Variants in LDLRAD4 observed in about 807,000 individuals in gnomAD.
The protein encoded by LDLRAD4 is low-density lipoprotein receptor class A domain-containing protein 4.
Under a neutral mutation model 17.0 loss-of-function variants are expected in LDLRAD4, and 5 were observed. The ratio of observed to expected loss-of-function variants is 0.29; its 90% CI spans 0.15 to 0.62. The LOEUF (loss-of-function observed/expected upper bound fraction) is 0.62. Among genes scored for constraint, LDLRAD4 ranks in the 20% least tolerant of loss-of-function variants. The pLI is 0.84. For missense variants in LDLRAD4, 340 were observed against 424.7 expected, an observed-to-expected ratio of 0.80 and a Z score of 1.75; for synonymous variants, 168 against 171.8, an observed-to-expected ratio of 0.98 and a Z score of 0.17.
At chr18:13,303,973 G>A (rs1470705572) in intron 1 of LDLRAD4, among the ~76,000 whole-genome samples, 1 of 152,226 alleles carries the variant, frequency 6.6e-6, no homozygotes, top group Non-Finnish European at 1.5e-5. Context: ...AGACAGTGCA[G>A]TTGTCACCAG....
chr18:13,645,886 A>G lies in LDLRAD4; in HGVS notation c.*229A>G, dbSNP rs943646179. The G allele has an allele frequency of 2.0e-5, 7 of 342,914 alleles. No homozygotes were observed. The highest frequency in any genetic ancestry group is 4.3e-5 in the African/African-American group (2 of 46,972). The allele number at this position is 342,914 out of a possible 1,614,324, so 21.2% of individuals were successfully genotyped here. A position where few individuals can be genotyped will look rare whatever the true frequency, so the allele number is the denominator to read the frequency against. On this transcript the variant is annotated 3_prime_UTR_variant, in exon 6 of 6. Transcript: ENST00000359446. The surrounding 1 kb of genome is among the most constrained non-coding windows in gnomAD (Gnocchi z 5.7). ...CCGCAAACAGTGTTTATTTGGGGAC[A>G]GGGGTTGGGATGGGGGTGTGGGCAG...
rs58573798 is a variant in LDLRAD4 at position 13,525,786 on chromosome 18, A to G, written c.181+87402A>G. On this transcript the variant is annotated intron_variant, in intron 3 of 5. Coordinates refer to ENST00000359446, the Ensembl canonical transcript of LDLRAD4. ...AACTAAAGCCCTTACTTAGCAGACT[A>G]TGAGACGTGCTGTGCCCACTCTAGG... is the stretch of plus-strand genomic sequence containing the variant. Among the ~76,000 whole-genome samples the G allele has an allele frequency of 3.5e-3, 533 of 152,336 alleles. 2 individuals carry two copies. Among genetic ancestry groups the G allele is most frequent in the African/African-American group, 0.01 (432 of 41,564 alleles).
At chr18:13,509,315 A>G (rs9958406) in intron 3 of LDLRAD4, among the ~76,000 whole-genome samples, 57,260 of 152,082 alleles carry the variant, frequency 0.38, 11,850 homozygotes, top group Middle Eastern at 0.56. Context: ...CCCTGTCTCA[A>G]AGACAGCAAC....
At chr18:13,567,875 A>G (rs1290850018) in intron 3 of LDLRAD4, among the ~76,000 whole-genome samples, 2 of 152,216 alleles carry the variant, frequency 1.3e-5, no homozygotes, top group African/African-American at 2.4e-5. Context: ...ATTGGAAATA[A>G]TGAAAGTATT....
chr18:13,618,929 G>A (rs577238723), intron 3 of LDLRAD4, among the ~76,000 whole-genome samples: 1 of 152,122 alleles, frequency 6.6e-6, no homozygotes, highest in African/African-American at 2.4e-5. Context: ...GCTTATCCCT[G>A]GGCTGGTGGC....
At chr18:13,648,609 G>C (rs992364335) in exon 6 of LDLRAD4, 5 of 152,196 alleles carry the variant, frequency 3.3e-5, no homozygotes, top group African/African-American at 4.8e-5. Context: ...ACACAGTGGG[G>C]CCTATTGTTC....
At chr18:13,513,733 G>A (rs1474708816) in intron 3 of LDLRAD4, among the ~76,000 whole-genome samples, 3 of 152,174 alleles carry the variant, frequency 2.0e-5, no homozygotes, top group Non-Finnish European at 4.4e-5. Flanking sequence ...CGTGTTAGAG[G>A]TTACTCATGG....
intron 3 of LDLRAD4, among the ~76,000 whole-genome samples, chr18:13,587,069 C>G (rs1218302774): frequency 2.0e-5 from 3 of 152,132 alleles, no homozygotes; most frequent in Non-Finnish European, 4.4e-5. Flanking sequence ...GAGGTTTCCA[C>G]TCTTGAAACA....
rs1429005371 is a variant in LDLRAD4 at position 13,398,056 on chromosome 18, T to G, written c.40+10294T>G. Among the ~76,000 whole-genome samples the G allele has an allele frequency of 1.3e-5, 2 of 152,154 alleles. No homozygotes were observed. Among genetic ancestry groups the G allele is most frequent in the East Asian group, 3.9e-4 (2 of 5,186 alleles). ...TCTGCACAGGCCCGAGAGACCCTCC[T>G]TGAGGACGCAGTGGCCAGTGGGGGC... On this transcript the variant is annotated intron_variant, in intron 2 of 5. Transcript: ENST00000359446. The surrounding 1 kb of genome is among the most constrained non-coding windows in gnomAD (Gnocchi z 4.8).
upstream of LDLRAD4, among the ~76,000 whole-genome samples, chr18:13,274,141 G>T (rs995202125): frequency 6.6e-6 from 1 of 152,206 alleles, no homozygotes; most frequent in Non-Finnish European, 1.5e-5. Context: ...CTGAAGGCTT[G>T]ATTTCCTTCC....
At chr18:13,414,566 C>T (rs949057601) in intron 2 of LDLRAD4, among the ~76,000 whole-genome samples, 1 of 152,264 alleles carries the variant, frequency 6.6e-6, no homozygotes, top group Non-Finnish European at 1.5e-5. Context: ...CCCATTGTCA[C>T]AAATTACAGT....
At chr18:13,635,539 C>T (rs967956979) in intron 4 of LDLRAD4, among the ~76,000 whole-genome samples, 3 of 152,214 alleles carry the variant, frequency 2.0e-5, no homozygotes, top group South Asian at 2.1e-4. Flanking sequence ...TTGGAAGATC[C>T]GGTGATATTT....
At chr18:13,540,195 T>TA (rs1555733009) in intron 3 of LDLRAD4, among the ~76,000 whole-genome samples, 1 of 152,260 alleles carries the variant, frequency 6.6e-6, no homozygotes, top group Non-Finnish European at 1.5e-5. Flanking sequence ...TTGTCTTTTT[T>TA]AAAAAATACA....
At chr18:13,364,069 T>C (rs904912338) in intron 1 of LDLRAD4, among the ~76,000 whole-genome samples, 1 of 152,172 alleles carries the variant, frequency 6.6e-6, no homozygotes, top group African/African-American at 2.4e-5. Flanking sequence ...ATAAATATAA[T>C]TAGCATAAAA....
chr18:13,502,717 A>C (rs2093631613), intron 3 of LDLRAD4, among the ~76,000 whole-genome samples: 1 of 152,192 alleles, frequency 6.6e-6, no homozygotes, highest in Non-Finnish European at 1.5e-5. Flanking sequence ...CACTGGGAGG[A>C]CTGTACGGGC....
chr18:13,480,338 G>T (rs2093052286), intron 3 of LDLRAD4, among the ~76,000 whole-genome samples: 1 of 152,216 alleles, frequency 6.6e-6, no homozygotes, highest in Non-Finnish European at 1.5e-5. Flanking sequence ...TACAGTGTGA[G>T]TCCAACTGTG....
At chr18:13,466,307 C>CA (rs1568201459) in intron 3 of LDLRAD4, among the ~76,000 whole-genome samples, 1 of 151,580 alleles carries the variant, frequency 6.6e-6, no homozygotes, top group Non-Finnish European at 1.5e-5. Flanking sequence ...CCTGTTTCTA[C>CA]AAAAAATACA....
intron 1 of LDLRAD4, among the ~76,000 whole-genome samples, chr18:13,381,166 C>T (rs1367684536): frequency 6.8e-6 from 1 of 146,120 alleles, no homozygotes; most frequent in Non-Finnish European, 1.5e-5. Context: ...CAGCTTTGAA[C>T]TCATGGGCTC....
rs182915755 is a variant in LDLRAD4 at position 13,502,405 on chromosome 18, C to T, written c.181+64021C>T. ...TTTAAGATGTACTAATTCTTTCACA[C>T]ACCCATAGCTGAATACCAAATATTG... is the stretch of plus-strand genomic sequence containing the variant. On this transcript the variant is annotated intron_variant, in intron 3 of 5. Transcript: ENST00000359446. Among the ~76,000 whole-genome samples, 8 of 152,368 alleles carry T rather than the reference C, an allele frequency of 5.3e-5. No individual in the cohort carries two copies. In the East Asian group the frequency reaches 1.5e-3, roughly 29 times the overall value.
Sources: allele counts gnomAD v4.1 joint callset (sites outside exome capture counted in the v4.1 genomes callset), GRCh38; gene constraint gnomAD v4.1.1; non-coding constraint Gnocchi (gnomAD v3.1); transcripts MANE v1.5; gene names NCBI Gene and HGNC (gene_info 2026-07-23, HGNC 2026-07-21).